Variants in PDE4D observed in about 807,000 individuals in gnomAD.
PDE4D encodes phosphodiesterase 4D.
Under a neutral mutation model 87.4 loss-of-function variants are expected in PDE4D, and 24 were observed. The ratio of observed to expected loss-of-function variants is 0.27; its 90% CI spans 0.20 to 0.39. PDE4D has a LOEUF of 0.39. Among genes scored for constraint, PDE4D ranks in the 10% least tolerant of loss-of-function variants. PDE4D has a pLI of 1.00. For missense variants in PDE4D, 714 were observed against 1,041.0 expected (o/e 0.69, Z 4.32); for synonymous variants, 384 against 383.2 (o/e 1.00, Z -0.02).
In PDE4D at chr5:59,466,607, C is replaced by T. The variant is rs140179796; in HGVS notation, c.456-250639G>A. On this transcript the variant is annotated intron_variant, in intron 1 of 14. Coordinates refer to ENST00000340635, the MANE Select transcript of PDE4D (RefSeq NM_001104631.2). ...GTTTTTTTCTGTCCAGATAAGGGAG[C>T]TAAAGTCAGCAATAATTGGAAAAAG... Among the ~76,000 whole-genome samples, 22 of 152,250 alleles carry T rather than the reference C, an allele frequency of 1.4e-4. No individual in the cohort carries two copies. The East Asian group carries it at 4.2e-3, about 29-fold the overall frequency.
At chr5:59,377,753 A>G (rs1430583402) in intron 1 of PDE4D, among the ~76,000 whole-genome samples, 1 of 152,216 alleles carries the variant, frequency 6.6e-6, no homozygotes, top group Non-Finnish European at 1.5e-5. Flanking sequence ...GAGAAATGCA[A>G]ATCAAAACCA....
intron 1 of PDE4D, among the ~76,000 whole-genome samples, chr5:59,756,087 T>C (rs982943780): frequency 6.6e-6 from 1 of 151,836 alleles, no homozygotes; most frequent in Admixed American, 6.6e-5. Context: ...TCTATTATTT[T>C]AGTTCTTCTG....
At chr5:60,114,868 GTGTA>G (rs1462663227) in intron 2 of PDE4D, among the ~76,000 whole-genome samples, 2 of 151,896 alleles carry the variant, frequency 1.3e-5, no homozygotes, top group Non-Finnish European at 2.9e-5. Context: ...ATAACTATGT[GTGTA>G]TGTATGTGTG....
chr5:59,723,582 G>GAA (rs1756166099), intron 1 of PDE4D, among the ~76,000 whole-genome samples: 1 of 152,138 alleles, frequency 6.6e-6, no homozygotes, highest in African/African-American at 2.4e-5. Flanking sequence ...AACGGATATG[G>GAA]AAAATGGATT....
intron 1 of PDE4D, among the ~76,000 whole-genome samples, chr5:59,388,070 C>A (rs1787456358): frequency 6.6e-6 from 1 of 152,040 alleles, no homozygotes; most frequent in Admixed American, 6.6e-5. Flanking sequence ...TGACTTATTT[C>A]ACTTAACATA....
chr5:59,428,945 T>A (rs1582559047), intron 1 of PDE4D, among the ~76,000 whole-genome samples: 1 of 152,208 alleles, frequency 6.6e-6, no homozygotes, highest in African/African-American at 2.4e-5. Context: ...ATACTAATTA[T>A]TGTAAAATGC....
chr5:60,465,867 T>C (rs1747312177), intron 1 of PDE4D, among the ~76,000 whole-genome samples: 1 of 149,226 alleles, frequency 6.7e-6, no homozygotes, highest in Admixed American at 6.7e-5. Flanking sequence ...TAATTTTAAA[T>C]GCTGCAGTGA....
chr5:60,468,137 C>CTTTTTTTTTTT (rs570783072), intron 1 of PDE4D, among the ~76,000 whole-genome samples: 9 of 141,240 alleles, frequency 6.4e-5, no homozygotes, highest in East Asian at 2.2e-4. Flanking sequence ...TTTCTTTTTT[C>CTTTTTTTTTTT]TTTTTTTTTT....
At chr5:59,175,817 A>G (rs1783794203) in intron 5 of PDE4D, among the ~76,000 whole-genome samples, 1 of 128,520 alleles carries the variant, frequency 7.8e-6, no homozygotes, top group Non-Finnish European at 1.6e-5. Flanking sequence ...ACTTTAGGAG[A>G]CAGGGTCTCA....
At chr5:60,217,646 T>C (rs2149588593) in intron 1 of PDE4D, among the ~76,000 whole-genome samples, 2 of 152,072 alleles carry the variant, frequency 1.3e-5, no homozygotes, top group South Asian at 4.1e-4. Flanking sequence ...TGGAATCAGA[T>C]ACTTGTTAAT....
At chr5:59,724,976 T>C (rs114908544) in intron 1 of PDE4D, among the ~76,000 whole-genome samples, 11 of 152,254 alleles carry the variant, frequency 7.2e-5, no homozygotes, top group African/African-American at 2.2e-4. Flanking sequence ...GGGCAAGTTA[T>C]GTAATATTTT....
intron 2 of PDE4D, among the ~76,000 whole-genome samples, chr5:60,030,189 G>T (rs534158757): frequency 6.6e-6 from 1 of 151,856 alleles, no homozygotes; most frequent in Admixed American, 6.6e-5. Context: ...GGTGGCTCAC[G>T]CCTGTAATCC....
At chr5:59,200,141 G>GCA (rs1450246436) in intron 2 of PDE4D, among the ~76,000 whole-genome samples, 6 of 149,202 alleles carry the variant, frequency 4.0e-5, no homozygotes, top group South Asian at 2.1e-4. Flanking sequence ...ATACATGTAT[G>GCA]TACACGTATA....
chr5:59,739,344 C>T (rs978895981), intron 1 of PDE4D, among the ~76,000 whole-genome samples: 2 of 152,032 alleles, frequency 1.3e-5, no homozygotes, highest in African/African-American at 4.8e-5. Flanking sequence ...CGCTTGAACC[C>T]AAAAGGCAGA....
chr5:59,114,573 A>G (rs911779567), intron 5 of PDE4D, among the ~76,000 whole-genome samples: 9 of 152,172 alleles, frequency 5.9e-5, no homozygotes, highest in Admixed American at 5.9e-4. Context: ...GTGGTAATTA[A>G]AATAAGAATG....
At chr5:60,431,806 T>C (rs989143117) in intron 1 of PDE4D, among the ~76,000 whole-genome samples, 96 of 152,318 alleles carry the variant, frequency 6.3e-4, no homozygotes, top group Admixed American at 4.6e-4. Flanking sequence ...TGAACCAGAC[T>C]CCATCTGCAA....
chr5:60,064,730 G>C (rs537701976), intron 2 of PDE4D, among the ~76,000 whole-genome samples: 1 of 152,032 alleles, frequency 6.6e-6, no homozygotes, highest in Admixed American at 6.6e-5. Context: ...TCTCCTCTTA[G>C]ATTAAATCAA....
intron 6 of PDE4D, among the ~76,000 whole-genome samples, chr5:59,017,921 T>C (rs895201750): frequency 3.9e-5 from 6 of 152,224 alleles, no homozygotes; most frequent in South Asian, 2.1e-4. Flanking sequence ...AATTATGAGA[T>C]GTAAAATAGT....
intron 1 of PDE4D, among the ~76,000 whole-genome samples, chr5:60,413,302 T>C (rs951227798): frequency 6.6e-6 from 1 of 152,174 alleles, no homozygotes; most frequent in Non-Finnish European, 1.5e-5. Flanking sequence ...GAAAAAGGTA[T>C]ATTGTCAGGT....
Sources: gnomAD v4.1 joint callset for allele counts (sites outside exome capture counted in the v4.1 genomes callset) on GRCh38, gnomAD v4.1.1 for gene constraint, MANE v1.5 for transcripts, NCBI Gene and HGNC (gene_info 2026-07-23, HGNC 2026-07-21) for gene names.